The following ERCC4 variants were observed in gnomAD, a reference collection of about 807,000 sequenced individuals.
ERCC4 encodes DNA repair endonuclease XPF.
In ERCC4, 65 loss-of-function variants were observed where a neutral mutation model predicts 76.9. The observed-to-expected ratio is 0.84, with a 90% CI of 0.69 to 1.04. ERCC4 has a LOEUF of 1.04. Ranked by LOEUF, ERCC4 falls within the 50% of genes least tolerant of loss-of-function variation. The pLI, the probability that ERCC4 is intolerant of heterozygous loss-of-function variation, is 0.00. For missense variants in ERCC4, 1,214 were observed against 1,128.2 expected, an observed-to-expected ratio of 1.08 and a Z score of -1.09; for synonymous variants, 463 against 410.1, an observed-to-expected ratio of 1.13 and a Z score of -1.56.
intron 2 of ERCC4, among the ~76,000 whole-genome samples, chr16:13,923,984 G>A (rs3136073): frequency 0.084 from 12,833 of 152,186 alleles, 678 homozygotes; most frequent in African/African-American, 0.15. Flanking sequence ...TTGAAGTCTG[G>A]CTTATCTGTA....
rs768694415 is a variant in ERCC4 at position 13,920,339 on chromosome 16, G to A, written c.174G>A (p.Leu58=). 1 of 1,595,858 alleles carries A rather than the reference G, an allele frequency of 6.3e-7. No individual in the cohort carries two copies. Among genetic ancestry groups the A allele is most frequent in the Non-Finnish European group, 8.5e-7 (1 of 1,177,702 alleles). ...AGCTGCACTGCCACCCAGCCTGCCT[G>A]GTGCTGGTGCTCAACACGCAGCCGG... The part of the protein sequence containing the change: ...FLQLHCHPAC[L]VLVLNTQPAE... The change falls in exon 1 of 11, where the codon CTG becomes CTA. Residue 58 remains leucine, a synonymous_variant. Coordinates refer to ENST00000311895, the MANE Select transcript of ERCC4 (RefSeq NM_005236.3).
intron 10 of ERCC4, among the ~76,000 whole-genome samples, chr16:13,946,818 T>C (rs949063017): frequency 6.6e-6 from 1 of 152,188 alleles, no homozygotes; most frequent in Admixed American, 6.5e-5. Flanking sequence ...TGGAGTGCAC[T>C]GGTGCAGTCT....
At chr16:13,937,987 C>T (rs2032337592) in intron 9 of ERCC4, 129 bp downstream of exon 9, 1 of 700,928 alleles carries the variant, frequency 1.4e-6, no homozygotes, top group Admixed American at 2.1e-5. Flanking sequence ...TTGAGATAAA[C>T]CTGTGGTCTG....
chr16:13,937,993 G>A (rs946548076), intron 9 of ERCC4, 135 bp downstream of exon 9: 10 of 686,884 alleles, frequency 1.5e-5, no homozygotes, highest in Middle Eastern at 2.4e-4. Flanking sequence ...TAAACCTGTG[G>A]TCTGAATTGT....
chr16:13,948,304 C>T lies in ERCC4; in HGVS notation c.2708C>T (p.Thr903Ile), dbSNP rs770963694. 1 of 1,613,720 alleles carries T rather than the reference C, an allele frequency of 6.2e-7. No homozygotes were observed. ...NAKQLYDFIH[T>I]SFAEVVSKGK... ...AAACAGCTTTATGATTTCATTCACA[C>T]CTCTTTTGCAGAAGTCGTATCAAAA... Residue 903 changes from threonine (T) to isoleucine (I), a missense_variant, in exon 11 of 11, where the codon ACC becomes ATC. By Grantham distance (89) the Thr-to-Ile change is moderately conservative. Coordinates refer to ENST00000311895, the MANE Select transcript of ERCC4 (RefSeq NM_005236.3).
intron 10 of ERCC4, among the ~76,000 whole-genome samples, chr16:13,945,263 A>T (rs371571269): frequency 1.3e-5 from 2 of 152,154 alleles, no homozygotes; most frequent in African/African-American, 4.8e-5. Context: ...TTAGTTGTAT[A>T]CATAGGTGGG....
intron 9 of ERCC4, among the ~76,000 whole-genome samples, chr16:13,944,370 T>G (rs1166498287): frequency 1.3e-5 from 2 of 152,202 alleles, no homozygotes; most frequent in Non-Finnish European, 2.9e-5. Context: ...CACTTTAACC[T>G]TACAAACAGT....
At chr16:13,931,631 T>C (rs965773962) in intron 5 of ERCC4, 1 of 156,352 alleles carries the variant, frequency 6.4e-6, no homozygotes, top group Non-Finnish European at 1.4e-5. Context: ...AAGTAAAAAA[T>C]GTTATTTATT....
chr16:13,936,527 T>C (rs1228205330), intron 8 of ERCC4, among the ~76,000 whole-genome samples: 1 of 152,252 alleles, frequency 6.6e-6, no homozygotes, highest in Non-Finnish European at 1.5e-5. Flanking sequence ...ACTTTGTAGA[T>C]AGCTTATGTA....
In ERCC4 at chr16:13,944,877, G is replaced by A. The variant is rs781450153; in HGVS notation, c.2017+42G>A. ...GTCAGGCACCTCCATTGCCTGCAAAGGGGGCTGTGAAGTTCCAGAGTTACT... is the reference window on the plus strand; with the variant it reads ...GTCAGGCACCTCCATTGCCTGCAAAAGGGGCTGTGAAGTTCCAGAGTTACT... On this transcript the variant is annotated intron_variant, in intron 10 of 10. Transcript: ENST00000311895. 3.1e-6 allele frequency: 4 copies of A among 1,275,532 alleles called. No individual in the cohort carries two copies. The South Asian group carries it at 4.8e-5, about 15-fold the overall frequency. 79.0% of individuals were successfully genotyped at this position (1,275,532 alleles called of 1,614,324 possible).
intron 8 of ERCC4, among the ~76,000 whole-genome samples, chr16:13,937,103 G>A (rs950304970): frequency 3.8e-5 from 2 of 52,992 alleles, no homozygotes; most frequent in South Asian, 1.0e-3. Context: ...TTTTTTTTTT[G>A]TAGAGATGGG....
rs570819693 is a variant in ERCC4, at chr16:13,923,697, G to C, written c.388+1486G>C. ...TTCCTGAAGTTATTATAAGGATTAA[G>C]TTAATAAAATAATTTCTTAGTATAG... On this transcript the variant is annotated intron_variant, in intron 2 of 10. Transcript: ENST00000311895. 2.8e-4 allele frequency among the ~76,000 whole-genome samples: 43 copies of C among 151,844 alleles called. No individual in the cohort carries two copies. In the South Asian group the frequency reaches 8.5e-3, roughly 30 times the overall value.
In ERCC4 at chr16:13,948,705, C is replaced by T. The variant is rs762905902; in HGVS notation, c.*358C>T. 8.0e-5 allele frequency: 21 copies of T among 262,928 alleles called. No homozygotes were observed. The highest frequency in any genetic ancestry group is 2.4e-4 in the Admixed American group (5 of 20,732). The allele number at this position is 262,928 out of a possible 1,614,324, so 16.3% of individuals were successfully genotyped here. On this transcript the variant is annotated 3_prime_UTR_variant, in exon 11 of 11. Transcript: ENST00000311895. ...AGGAATATGCTAAGCCTGGCATGGA[C>T]GGTGCAGGGAGGGAAAAGAGCAGGC...
In ERCC4 at chr16:13,935,483, A is replaced by C; in HGVS notation, c.1551A>C (p.Glu517Asp). ...ATGTCGAGGAAGGATATCGTCGAGA[A>C]ATAAGCAGTAGCCCAGAAAGCTGCC... ...EGDVEEGYRR[E>D]ISSSPESCPE... The change falls in exon 8 of 11, where the codon GAA becomes GAC. Residue 517 changes from glutamate to aspartate, a missense_variant. Coordinates refer to ENST00000311895, the MANE Select transcript of ERCC4 (RefSeq NM_005236.3). 1 of 1,614,232 alleles carries C rather than the reference A, an allele frequency of 6.2e-7. No homozygotes were observed. Among genetic ancestry groups the C allele is most frequent in the Non-Finnish European group, 8.5e-7 (1 of 1,180,046 alleles).
rs2032233339 is a variant in ERCC4 at position 13,933,976 on chromosome 16, G to C, written c.1103-216G>C. On this transcript the variant is annotated intron_variant, in intron 6 of 10. Coordinates refer to ENST00000311895, the MANE Select transcript of ERCC4 (RefSeq NM_005236.3). ...ACCATGCATATAACTTTCTACCAAG[G>C]CATTTTGAAAGCCATATTAATGGTT... is the stretch of plus-strand genomic sequence containing the variant. The C allele has an allele frequency of 8.4e-6, 4 of 477,918 alleles. No homozygotes were observed. The Admixed American group carries it at 1.1e-4, about 13-fold the overall frequency. 29.6% of individuals were successfully genotyped at this position (477,918 alleles called of 1,614,324 possible). A position where few individuals can be genotyped will look rare whatever the true frequency, so the allele number is the denominator to read the frequency against.
chr16:13,927,925 C>T lies in ERCC4; in HGVS notation c.585-103C>T, dbSNP rs1008958782. 1.4e-5 allele frequency: 11 copies of T among 794,216 alleles called. No homozygotes were observed. The Admixed American group carries it at 1.4e-4, about 10-fold the overall frequency. The allele number at this position is 794,216 out of a possible 1,614,324, so 49.2% of individuals were successfully genotyped here. The stretch of plus-strand genomic sequence containing the variant: ...TTCATTTGTTTGTTGTTTTGCTTTT[C>T]GTGTTGTTTGTAGCATTTATAAAAA... On this transcript the variant is annotated intron_variant, in intron 3 of 10. Coordinates refer to ENST00000311895, the MANE Select transcript of ERCC4 (RefSeq NM_005236.3).
At position 13,934,311 on chromosome 16, in the gene ERCC4, A is replaced by G; in HGVS notation, c.1213+9A>G. 6.4e-7 allele frequency: 1 copy of G among 1,558,334 alleles called. No individual in the cohort carries two copies. The highest frequency in any genetic ancestry group is 1.1e-5 in the South Asian group (1 of 89,920). ...AGCTCTTGGTGGTCCAGGTAGGAAA[A>G]AAGGAGATGAAAACATTTGCTTCCA... On this transcript the variant is annotated intron_variant, in intron 7 of 10. Coordinates refer to ENST00000311895, the MANE Select transcript of ERCC4 (RefSeq NM_005236.3).
rs1240323587 is a variant in ERCC4, at chr16:13,920,366, C to A, written c.201C>A (p.Ala67=). 1 of 1,574,424 alleles carries A rather than the reference C, an allele frequency of 6.4e-7. No homozygotes were observed. The part of the protein sequence containing the change: ...CLVLVLNTQP[A]EEEYFINQLK... ...TGCTGGTGCTCAACACGCAGCCGGC[C>A]GAGGAGGTGCGGCCGCGCTGGCGCG... The change falls in exon 1 of 11, where the codon GCC becomes GCA. Residue 67 remains alanine, a synonymous_variant. Transcript: ENST00000311895.
In ERCC4 at chr16:13,950,455, G is replaced by A. The variant is rs1021224828; in HGVS notation, c.*2108G>A. On this transcript the variant is annotated 3_prime_UTR_variant, in exon 11 of 11. Coordinates refer to ENST00000311895, the MANE Select transcript of ERCC4 (RefSeq NM_005236.3). ...ATGTGGAGAGTAAGGAAAAGGAGAA[G>A]AAATAAAAATTAGTTTAAGATGGAA... The A allele has an allele frequency of 2.1e-5, 4 of 190,028 alleles. No individual in the cohort carries two copies. The highest frequency in any genetic ancestry group is 8.4e-5 in the East Asian group (1 of 11,928). The allele number at this position is 190,028 out of a possible 1,614,324, so 11.8% of individuals were successfully genotyped here.
Sources: allele counts gnomAD v4.1 joint callset (sites outside exome capture counted in the v4.1 genomes callset), GRCh38; gene constraint gnomAD v4.1.1; transcripts MANE v1.5; gene names NCBI Gene and HGNC (gene_info 2026-07-23, HGNC 2026-07-21).